The following RFX7 variants were observed in gnomAD, a reference collection of about 807,000 sequenced individuals.
RFX7 encodes DNA-binding protein RFX7.
Under a neutral mutation model 111.8 loss-of-function variants are expected in RFX7, and 26 were observed. The ratio of observed to expected loss-of-function variants is 0.23; its 90% CI spans 0.17 to 0.32. The LOEUF (loss-of-function observed/expected upper bound fraction) is 0.32. RFX7 is among the 10% of genes least tolerant of loss of function. RFX7 has a pLI of 1.00. For missense variants in RFX7, 1,573 were observed against 1,772.9 expected (o/e 0.89, Z 2.02); for synonymous variants, 624 against 624.4 (o/e 1.00, Z 0.01).
chr15:56,097,737 ACT>A (rs1381973215), intron 9 of RFX7, among the ~76,000 whole-genome samples: 2 of 113,302 alleles, frequency 1.8e-5, no homozygotes, highest in African/African-American at 3.4e-5. Flanking sequence ...ACAGAGCAAG[ACT>A]CTGTCTCAAA....
chr15:56,183,044 A>T, intron 2 of RFX7, among the ~76,000 whole-genome samples: 1 of 152,112 alleles, frequency 6.6e-6, no homozygotes, highest in East Asian at 1.9e-4. Flanking sequence ...AAAAGTTACT[A>T]TTCCAATGGG....
At chr15:56,236,107 T>G (rs1386636796) in intron 2 of RFX7, among the ~76,000 whole-genome samples, 1 of 152,184 alleles carries the variant, frequency 6.6e-6, no homozygotes, top group Non-Finnish European at 1.5e-5. Context: ...TTTTGTTATA[T>G]ATATATGAGC....
At chr15:56,210,766 CAT>C (rs1394446334) in intron 2 of RFX7, among the ~76,000 whole-genome samples, 1 of 151,960 alleles carries the variant, frequency 6.6e-6, no homozygotes, top group African/African-American at 2.4e-5. Flanking sequence ...GAAAACGCAA[CAT>C]GTCAAAATTT....
chr15:56,129,614 G>C (rs1595948532), intron 5 of RFX7, among the ~76,000 whole-genome samples: 2 of 152,072 alleles, frequency 1.3e-5, no homozygotes, highest in Non-Finnish European at 2.9e-5. Flanking sequence ...GAAAATTTTT[G>C]TAACAGGAAG....
chr15:56,110,230 C>T (rs1351826510), intron 5 of RFX7, among the ~76,000 whole-genome samples: 6 of 115,766 alleles, frequency 5.2e-5, no homozygotes, highest in African/African-American at 1.6e-4. Flanking sequence ...GTGAGGAGCC[C>T]CTCTGCCCGG....
chr15:56,192,211 AT>A (rs1437725439), intron 2 of RFX7: 2 of 152,776 alleles, frequency 1.3e-5, no homozygotes, highest in African/African-American at 4.8e-5. Context: ...CTTCGGATAG[AT>A]TACAATCAAA....
At chr15:56,120,444 A>ATATC (rs2042062032) in intron 5 of RFX7, among the ~76,000 whole-genome samples, 2 of 152,210 alleles carry the variant, frequency 1.3e-5, no homozygotes, top group South Asian at 4.1e-4. Context: ...ATAAAGACAG[A>ATATC]TAATTTGACC....
intron 2 of RFX7, among the ~76,000 whole-genome samples, chr15:56,230,969 G>A (rs1161772998): frequency 1.3e-5 from 2 of 152,092 alleles, no homozygotes; most frequent in African/African-American, 4.8e-5. Context: ...GTGGTGGTGG[G>A]TGCCTGTAGT....
chr15:56,131,656 T>C (rs1936496849), intron 5 of RFX7, among the ~76,000 whole-genome samples: 1 of 152,198 alleles, frequency 6.6e-6, no homozygotes, highest in African/African-American at 2.4e-5. Flanking sequence ...ATTTAATGAA[T>C]TCCAATATTC....
intron 3 of RFX7, among the ~76,000 whole-genome samples, chr15:56,151,662 A>C (rs142221584): frequency 2.1e-4 from 32 of 152,360 alleles, no homozygotes; most frequent in Admixed American, 5.9e-4. Context: ...TAATGGGCAA[A>C]ACAACCAGAT....
intron 5 of RFX7, among the ~76,000 whole-genome samples, chr15:56,124,819 T>C (rs1339410777): frequency 6.6e-6 from 1 of 152,218 alleles, no homozygotes; most frequent in African/African-American, 2.4e-5. Flanking sequence ...TTTCTTTTCA[T>C]TGTATTGATT....
intron 5 of RFX7, among the ~76,000 whole-genome samples, chr15:56,110,174 G>A (rs1157978271): frequency 6.2e-5 from 8 of 128,002 alleles, no homozygotes; most frequent in Non-Finnish European, 8.6e-5. Flanking sequence ...CAGCCGCCCC[G>A]TCCAGGAGGT....
intron 2 of RFX7, among the ~76,000 whole-genome samples, chr15:56,181,440 A>G (rs1239565747): frequency 6.6e-6 from 1 of 152,166 alleles, no homozygotes; most frequent in Non-Finnish European, 1.5e-5. Flanking sequence ...TTATAATTTT[A>G]TTAATTTGTT....
intron 2 of RFX7, 72 bp downstream of exon 2, chr15:56,243,052 CG>C: frequency 1.4e-5 from 10 of 721,678 alleles, no homozygotes; most frequent in Admixed American, 2.5e-5. Context: ...TCCCCCCGCC[CG>C]CCGCCCCCCA....
At chr15:56,197,044 C>G (rs1431190968) in intron 2 of RFX7, among the ~76,000 whole-genome samples, 14 of 152,108 alleles carry the variant, frequency 9.2e-5, no homozygotes, top group Non-Finnish European at 8.8e-5. Context: ...TCTCTCTATC[C>G]TCTCCAAAAT....
intron 3 of RFX7, among the ~76,000 whole-genome samples, chr15:56,146,174 T>C (rs1262125696): frequency 6.6e-6 from 1 of 152,204 alleles, no homozygotes; most frequent in East Asian, 1.9e-4. Context: ...CATAGCTCAC[T>C]GCAGCCTCAA....
At chr15:56,131,019 C>A (rs1259769744) in intron 5 of RFX7, among the ~76,000 whole-genome samples, 1 of 151,970 alleles carries the variant, frequency 6.6e-6, no homozygotes, top group Non-Finnish European at 1.5e-5. Context: ...GCTATATAAA[C>A]TGTTCCAGAG....
rs1450866449 is a variant in RFX7, at chr15:56,088,383, G to A, written c.*4962C>T. ...TTACAATGAGGACATGAGAATATAT[G>A]CAAACTAACACTGGGTCTAATGCAA... On this transcript the variant is annotated 3_prime_UTR_variant, in exon 10 of 10. Coordinates refer to ENST00000559447, the MANE Select transcript of RFX7 (RefSeq NM_022841.7). 3.3e-5 allele frequency: 5 copies of A among 152,394 alleles called. No individual in the cohort carries two copies. Among genetic ancestry groups the A allele is most frequent in the African/African-American group, 9.7e-5 (4 of 41,402 alleles). 9.4% of individuals were successfully genotyped at this position (152,394 alleles called of 1,614,324 possible).
chr15:56,225,920 G>A (rs2043477997), intron 2 of RFX7, among the ~76,000 whole-genome samples: 1 of 152,098 alleles, frequency 6.6e-6, no homozygotes, highest in Non-Finnish European at 1.5e-5. Context: ...GTTAAAAGCA[G>A]ACACAATACT....
Sources: gnomAD v4.1 joint callset for allele counts (sites outside exome capture counted in the v4.1 genomes callset) on GRCh38, gnomAD v4.1.1 for gene constraint, MANE v1.5 for transcripts, NCBI Gene and HGNC (gene_info 2026-07-23, HGNC 2026-07-21) for gene names.